The following TTLL3 variants were observed in gnomAD, a reference collection of about 807,000 sequenced individuals.
TTLL3 encodes tubulin tyrosine ligase like 3, also known as tubulin monoglycylase TTLL3.
In TTLL3, 63 loss-of-function variants were observed where a neutral mutation model predicts 75.2. The ratio of observed to expected loss-of-function variants is 0.84; its 90% confidence interval spans 0.68 to 1.03. The LOEUF (loss-of-function observed/expected upper bound fraction) is 1.03. Ranked by LOEUF, TTLL3 falls within the 50% of genes least tolerant of loss-of-function variation. TTLL3 has a pLI of 0.00. For missense variants in TTLL3, 997 were observed against 1,069.9 expected, an observed-to-expected ratio of 0.93 and a Z score of 0.95; for synonymous variants, 393 against 418.5, an observed-to-expected ratio of 0.94 and a Z score of 0.74.
rs186965293 is a variant in TTLL3 at position 9,812,439 on chromosome 3, C to T, written c.49-504C>T. Among the ~76,000 whole-genome samples the T allele has an allele frequency of 1.6e-3, 244 of 152,052 alleles. 3 individuals carry two copies. Among genetic ancestry groups the T allele is most frequent in the Non-Finnish European group, 1.5e-3 (103 of 67,992 alleles). On this transcript the variant is annotated intron_variant, in intron 2 of 13. Transcript: ENST00000685419. ...CTGAGGCAGGAGAATCGCTCGAACC[C>T]GGGAGGTGGAGGTTGCAGTGAGCCA... is the stretch of plus-strand genomic sequence containing the variant.
At chr3:9,822,827 T>G (rs1251920870) in intron 8 of TTLL3, among the ~76,000 whole-genome samples, 1 of 143,670 alleles carries the variant, frequency 7.0e-6, no homozygotes, top group East Asian at 2.3e-4. Context: ...CAGGCTGGTC[T>G]TGAACTCCTG....
chr3:9,826,656 C>T (rs946261623), intron 9 of TTLL3, among the ~76,000 whole-genome samples: 6 of 150,832 alleles, frequency 4.0e-5, no homozygotes, highest in African/African-American at 1.5e-4. Context: ...TCACTTGAAC[C>T]CGGGAGGCGG....
chr3:9,815,931 AGAT>A (rs1329223976), intron 4 of TTLL3, 140 bp from the exon 5 acceptor site: 27 of 754,818 alleles, frequency 3.6e-5, no homozygotes, highest in Non-Finnish European at 1.5e-5. Flanking sequence ...ACTTACACAA[AGAT>A]GATGTGTGGG....
chr3:9,834,364 GC>G, intron 12 of TTLL3: 1 of 561,334 alleles, frequency 1.8e-6, no homozygotes, highest in Non-Finnish European at 3.4e-6. Context: ...ACCGCTACCT[GC>G]CCAGCTCCTT....
At chr3:9,812,346 C>G (rs768215899) in intron 2 of TTLL3, among the ~76,000 whole-genome samples, 8 of 152,164 alleles carry the variant, frequency 5.3e-5, no homozygotes, top group Non-Finnish European at 1.0e-4. Flanking sequence ...GAAACCCTGT[C>G]TCTACTAAAA....
chr3:9,812,750 A>T, intron 2 of TTLL3, 193 bp from the exon 3 acceptor site: 2 of 575,114 alleles, frequency 3.5e-6, no homozygotes, highest in South Asian at 1.6e-4. Context: ...CTCAATAAAT[A>T]TTAGCCATTG....
chr3:9,819,420 C>T, intron 7 of TTLL3: 2 of 789,416 alleles, frequency 2.5e-6, no homozygotes, highest in Non-Finnish European at 3.1e-6. Context: ...CCTCATTCAG[C>T]CCTCCCATGG....
intron 7 of TTLL3, chr3:9,820,204 A>G (rs2080278431): frequency 2.2e-5 from 23 of 1,065,278 alleles, no homozygotes; most frequent in Non-Finnish European, 2.5e-5. Context: ...AACTGGGTTC[A>G]CATAGGCCAA....
At chr3:9,821,797 G>A (rs2080437688) in intron 8 of TTLL3, among the ~76,000 whole-genome samples, 1 of 152,112 alleles carries the variant, frequency 6.6e-6, no homozygotes. Context: ...GAGGTCAGGA[G>A]TTCAAGACCA....
At chr3:9,818,941 C>T (rs1264166302) in intron 7 of TTLL3, 21 bp downstream of exon 7, 3 of 1,613,886 alleles carry the variant, frequency 1.9e-6, no homozygotes, top group South Asian at 1.1e-5. Context: ...TGGTTACCTC[C>T]ACTCTCCCAC....
At chr3:9,832,046 C>A (rs2081591526) in intron 11 of TTLL3, among the ~76,000 whole-genome samples, 1 of 150,372 alleles carries the variant, frequency 6.7e-6, no homozygotes, top group African/African-American at 2.4e-5. Flanking sequence ...CTGTCTTGGC[C>A]TCCCAGAGAG....
In TTLL3 at chr3:9,829,330, G is replaced by A. The variant is rs767731678; in HGVS notation, c.1618G>A (p.Val540Met). Residue 540 changes from valine (V) to methionine (M), a missense_variant, in exon 11 of 14, where the codon GTG becomes ATG. Val to Met is a conservative substitution (Grantham distance 21, BLOSUM62 1). Transcript: ENST00000685419. Reference sequence around the variant, plus strand: ...TGGCGTGCAAGCTGACACCCTGCGCGTGGTCATTGACCGGATGCTGGACCG... The same window carrying A: ...TGGCGTGCAAGCTGACACCCTGCGCATGGTCATTGACCGGATGCTGGACCG... ...CAGVQADTLR[V>M]VIDRMLDRNC... 6.2e-6 allele frequency: 10 copies of A among 1,612,954 alleles called. No homozygotes were observed. Among genetic ancestry groups the A allele is most frequent in the East Asian group, 2.2e-5 (1 of 44,866 alleles).
chr3:9,827,595 C>T (rs2081167778), intron 10 of TTLL3: 1 of 268,876 alleles, frequency 3.7e-6, no homozygotes, highest in African/African-American at 2.2e-5. Flanking sequence ...CATGGGGTCT[C>T]ACTATGTTGC....
upstream of TTLL3, chr3:9,809,824 C>T (rs2079177602): frequency 4.6e-6 from 2 of 434,972 alleles, no homozygotes; most frequent in East Asian, 3.7e-5. Context: ...ATCGCAGCCC[C>T]CAACCAGCCC....
chr3:9,835,730 C>A lies in TTLL3; in HGVS notation c.*241C>A. The A allele has an allele frequency of 2.0e-6, 1 of 492,870 alleles. No individual in the cohort carries two copies. Among genetic ancestry groups the A allele is most frequent in the Non-Finnish European group, 3.6e-6 (1 of 281,552 alleles). 30.5% of individuals were successfully genotyped at this position (492,870 alleles called of 1,614,324 possible). ...TGCCGAGCACTGGGAGCCCCCCAACCCCAGAGAACAAGCCAAGCTAGCAGA... is the reference window on the plus strand; with the variant it reads ...TGCCGAGCACTGGGAGCCCCCCAACACCAGAGAACAAGCCAAGCTAGCAGA... On this transcript the variant is annotated 3_prime_UTR_variant, in exon 14 of 14. Coordinates refer to ENST00000685419, the MANE Select transcript of TTLL3 (RefSeq NM_001387446.1).
chr3:9,816,186 G>A lies in TTLL3; in HGVS notation c.428G>A (p.Gly143Asp). Residue 143 changes from glycine to aspartate, a missense_variant, in exon 5 of 14, where the codon GGC (glycine) becomes GAC (aspartate). Transcript: ENST00000685419. ...DQMINHYARA[G>D]SFTTKVGLCL... is the part of the protein sequence containing the mutation. ...ATGATAAACCACTACGCCCGGGCTGGCTCCTTTACCACAAAGGTGGGCTCC... is the reference window on the plus strand; with the variant it reads ...ATGATAAACCACTACGCCCGGGCTGACTCCTTTACCACAAAGGTGGGCTCC... 1 of 1,353,678 alleles carries A rather than the reference G, an allele frequency of 7.4e-7. No individual in the cohort carries two copies. Among genetic ancestry groups the A allele is most frequent in the South Asian group, 1.2e-5 (1 of 84,952 alleles). The allele number at this position is 1,353,678 out of a possible 1,614,324, so 83.9% of individuals were successfully genotyped here. A position where few individuals can be genotyped will look rare whatever the true frequency, so the allele number is the denominator to read the frequency against.
At chr3:9,824,403 G>T (rs931436305) in intron 8 of TTLL3, among the ~76,000 whole-genome samples, 1 of 152,136 alleles carries the variant, frequency 6.6e-6, no homozygotes, top group African/African-American at 2.4e-5. Flanking sequence ...AACTCTCAAA[G>T]CTTCAGTTTA....
chr3:9,818,987 C>A (rs1323129480), intron 7 of TTLL3, 67 bp downstream of exon 7: 3 of 1,603,426 alleles, frequency 1.9e-6, no homozygotes, highest in Non-Finnish European at 2.6e-6. Context: ...TTCCACCTAT[C>A]TGCCCTTCTA....
intron 9 of TTLL3, among the ~76,000 whole-genome samples, chr3:9,826,725 C>CAAAA (rs36060940): frequency 1.6e-4 from 12 of 75,234 alleles, no homozygotes; most frequent in African/African-American, 4.7e-4. Flanking sequence ...AGGGCTGTCT[C>CAAAA]AAAAAAAAAA....
Sources: allele counts gnomAD v4.1 joint callset (sites outside exome capture counted in the v4.1 genomes callset), GRCh38; gene constraint gnomAD v4.1.1; transcripts MANE v1.5; gene names NCBI Gene and HGNC (gene_info 2026-07-23, HGNC 2026-07-21).